Variants in CYB561D2 observed in about 807,000 individuals in gnomAD.
CYB561D2 encodes the protein transmembrane reductase CYB561D2.
CYB561D2 carries 16 observed loss-of-function variants against 20.2 expected under a neutral mutation model. The observed-to-expected ratio is 0.79, with a 90% CI of 0.53 to 1.20. The LOEUF is 1.20. CYB561D2 is among the 50% of genes most tolerant of loss of function. The pLI, the probability that CYB561D2 is intolerant of heterozygous loss-of-function variation, is 0.00. For missense variants in CYB561D2, 247 were observed against 270.3 expected (o/e 0.91, Z 0.60); for synonymous variants, 135 against 128.3 (o/e 1.05, Z -0.35).
chr3:50,353,580 C>T lies in CYB561D2; in HGVS notation c.505C>T (p.Leu169=). 6.2e-7 allele frequency: 1 copy of T among 1,613,800 alleles called. No individual in the cohort carries two copies. The change falls in exon 4 of 4, where the codon CTG becomes TTG. Residue 169 remains leucine (L), a synonymous_variant. Transcript: ENST00000425346. ...TACTTCTGGGCTGGTGGGCTACCTG[C>T]TGGGTAGTGCCAGCCTCTTGCTGGG... ...HATSGLVGYL[L]GSASLLLGMC...
chr3:50,352,351 G>A (rs376803565), intron 3 of CYB561D2, among the ~76,000 whole-genome samples: 1 of 151,816 alleles, frequency 6.6e-6, no homozygotes, highest in Non-Finnish European at 1.5e-5. Flanking sequence ...ATGGTGGCAC[G>A]CGCCTGTAGT....
Position 50,353,711 on chromosome 3 carries a change from T to G in CYB561D2, c.636T>G (p.Asn212Lys), listed in dbSNP as rs1170445485. The G allele has an allele frequency of 6.2e-7, 1 of 1,609,976 alleles. No individual in the cohort carries two copies. Among genetic ancestry groups the G allele is most frequent in the Non-Finnish European group, 8.5e-7 (1 of 1,178,114 alleles). Residue 212 changes from asparagine to lysine, a missense_variant, in exon 4 of 4, where the codon AAT becomes AAG. Transcript: ENST00000425346. ...TSLVIMNQVS[N>K]AYLYRKRIQP ...TGGTCATTATGAACCAGGTGAGCAA[T>G]GCCTACCTATACCGCAAGAGGATCC...
At position 50,353,342 on chromosome 3, in the gene CYB561D2, G is replaced by A; in HGVS notation, c.267G>A (p.Leu89=). ...GCCGAGCACGCTGCCACTGGGTGCT[G>A]CAGCTGCTGGCCCTGCTGTGTGCAC... The part of the protein sequence containing the change: ...RKGRARCHWV[L]QLLALLCALL... The change falls in exon 4 of 4, where the codon CTG becomes CTA. Residue 89 remains leucine, a synonymous_variant. Transcript: ENST00000425346. 1 of 1,612,950 alleles carries A rather than the reference G, an allele frequency of 6.2e-7. No homozygotes were observed.
intron 3 of CYB561D2, 119 bp from the exon 4 acceptor site, chr3:50,353,122 G>A: frequency 7.1e-7 from 1 of 1,399,174 alleles, no homozygotes; most frequent in Non-Finnish European, 9.6e-7. Flanking sequence ...TGTCAGTGGG[G>A]AGAGAAAGAA....
At chr3:50,353,182 C>G (rs913813043) in intron 3 of CYB561D2, 59 bp from the exon 4 acceptor site, 16 of 1,513,254 alleles carry the variant, frequency 1.1e-5, no homozygotes, top group Non-Finnish European at 1.4e-5. Flanking sequence ...ACATAAAGCC[C>G]TCTTCTCCTC....
Position 50,353,483 on chromosome 3 carries a change from A to T in CYB561D2, c.408A>T (p.Ser136=). The change falls in exon 4 of 4, where the codon TCA becomes TCT. Residue 136 remains serine (S), a synonymous_variant. Transcript: ENST00000425346. ...LAVLWAGLQC[S]GGVGLLYPKL... ...TGCTGTGGGCAGGGCTGCAGTGCTC[A>T]GGTGGGGTGGGGCTGCTCTACCCCA... 6.2e-7 allele frequency: 1 copy of T among 1,613,116 alleles called. No homozygotes were observed. The highest frequency in any genetic ancestry group is 8.5e-7 in the Non-Finnish European group (1 of 1,179,968).
intron 1 of CYB561D2, 179 bp from the exon 2 acceptor site, chr3:50,351,230 T>C: frequency 3.0e-6 from 2 of 674,708 alleles, no homozygotes; most frequent in Non-Finnish European, 4.7e-6. Context: ...TGGGTACACG[T>C]TGACAGGCCG....
At chr3:50,351,875 C>G (rs1703773284) in intron 2 of CYB561D2, 134 bp from the exon 3 acceptor site, 1 of 1,086,488 alleles carries the variant, frequency 9.2e-7, no homozygotes, top group Non-Finnish European at 1.4e-6. Context: ...CAGCTTGTTG[C>G]AGAGCAAGAA....
rs1703755507 is a variant in CYB561D2 at position 50,351,398 on chromosome 3, T to C, written c.-25-11T>C. On this transcript the variant is annotated splice_polypyrimidine_tract_variant and intron_variant, in intron 1 of 3. Transcript: ENST00000425346. The stretch of plus-strand genomic sequence containing the variant: ...CACCTGAGATCCTGGCCCACGCTAC[T>C]ATGCTTTCAGGCTACAACCACTAGC... 6.2e-6 allele frequency: 10 copies of C among 1,607,682 alleles called. No individual in the cohort carries two copies. The highest frequency in any genetic ancestry group is 2.2e-5 in the East Asian group (1 of 44,716).
Position 50,353,776 on chromosome 3 carries a change from G to T in CYB561D2, c.*32G>T, listed in dbSNP as rs1703825947. ...CCCAGCCTAGGGGAAGCCTGGATTT[G>T]CCCCTCCATGTAGGAGCTGGGCCTA... On this transcript the variant is annotated 3_prime_UTR_variant, in exon 4 of 4. Transcript: ENST00000425346. The T allele has an allele frequency of 6.4e-7, 1 of 1,557,218 alleles. No homozygotes were observed. Among genetic ancestry groups the T allele is most frequent in the Non-Finnish European group, 8.7e-7 (1 of 1,148,780 alleles).
At position 50,351,394 on chromosome 3, in the gene CYB561D2, C is replaced by G. The variant is rs774171469; in HGVS notation, c.-25-15C>G. The G allele has an allele frequency of 3.9e-5, 62 of 1,606,002 alleles. No individual in the cohort carries two copies. The highest frequency in any genetic ancestry group is 4.7e-5 in the Non-Finnish European group (55 of 1,174,872). ...TGGGCACCTGAGATCCTGGCCCACG[C>G]TACTATGCTTTCAGGCTACAACCAC... On this transcript the variant is annotated splice_polypyrimidine_tract_variant and intron_variant, in intron 1 of 3. Transcript: ENST00000425346.
Position 50,351,176 on chromosome 3 carries a change from C to A in CYB561D2, c.-26+192C>A, listed in dbSNP as rs2233474. 0.23 allele frequency: 122,066 copies of A among 522,946 alleles called. 22,026 individuals carry two copies. Among genetic ancestry groups the A allele is most frequent in the East Asian group, 0.6 (17,291 of 28,836 alleles). 32.4% of individuals were successfully genotyped at this position (522,946 alleles called of 1,614,324 possible). A position where few individuals can be genotyped will look rare whatever the true frequency, so the allele number is the denominator to read the frequency against. On this transcript the variant is annotated intron_variant, in intron 1 of 3. Transcript: ENST00000425346. Reference sequence around the variant, plus strand: ...TTTGTAGTCTTACATGGCTTTGCGCCTCCTACCTGGAAGGCGGGCCAGCGA... The same window carrying A: ...TTTGTAGTCTTACATGGCTTTGCGCATCCTACCTGGAAGGCGGGCCAGCGA...
Position 50,353,723 on chromosome 3 carries a change from C to T in CYB561D2, c.648C>T (p.Tyr216=), listed in dbSNP as rs779861254. 4 of 1,602,470 alleles carry T rather than the reference C, an allele frequency of 2.5e-6. No individual in the cohort carries two copies. The highest frequency in any genetic ancestry group is 2.6e-6 in the Non-Finnish European group (3 of 1,172,484). Residue 216 remains tyrosine, a synonymous_variant, in exon 4 of 4, where the codon TAC becomes TAT. Coordinates refer to ENST00000425346, the MANE Select transcript of CYB561D2 (RefSeq NM_001291284.2). ...ACCAGGTGAGCAATGCCTACCTATACCGCAAGAGGATCCAACCATGAGCTC... is the reference window on the plus strand; with the variant it reads ...ACCAGGTGAGCAATGCCTACCTATATCGCAAGAGGATCCAACCATGAGCTC... ...IMNQVSNAYL[Y]RKRIQP
Position 50,350,914 on chromosome 3 carries a change from G to C in CYB561D2, c.-96G>C, listed in dbSNP as rs1575564418. 4.3e-6 allele frequency: 6 copies of C among 1,393,302 alleles called. No individual in the cohort carries two copies. Among genetic ancestry groups the C allele is most frequent in the Non-Finnish European group, 5.6e-6 (6 of 1,078,262 alleles). The allele number at this position is 1,393,302 out of a possible 1,614,324, so 86.3% of individuals were successfully genotyped here. On this transcript the variant is annotated 5_prime_UTR_variant, in exon 1 of 4. Transcript: ENST00000425346. This position sits in a 1 kb window ranked among gnomAD's most constrained non-coding sequence, Gnocchi z 5.7. ...TCCGTGACGGAGCGGCGGTGCGCGC[G>C]GCAGGGCCCGGAGTATCCCGCTTTC...
In CYB561D2 at chr3:50,353,711, T is replaced by C. The variant is rs1170445485; in HGVS notation, c.636T>C (p.Asn212=). 6.2e-7 allele frequency: 1 copy of C among 1,610,096 alleles called. No homozygotes were observed. The highest frequency in any genetic ancestry group is 1.1e-5 in the South Asian group (1 of 90,906). ...TGGTCATTATGAACCAGGTGAGCAATGCCTACCTATACCGCAAGAGGATCC... is the reference window on the plus strand; with the variant it reads ...TGGTCATTATGAACCAGGTGAGCAACGCCTACCTATACCGCAAGAGGATCC... ...TSLVIMNQVS[N]AYLYRKRIQP The change falls in exon 4 of 4, where the codon AAT becomes AAC. Residue 212 remains asparagine (N), a synonymous_variant. Coordinates refer to ENST00000425346, the MANE Select transcript of CYB561D2 (RefSeq NM_001291284.2).
Position 50,353,786 on chromosome 3 carries a change from G to A in CYB561D2, c.*42G>A. 1 of 1,549,492 alleles carries A rather than the reference G, an allele frequency of 6.5e-7. No individual in the cohort carries two copies. The highest frequency in any genetic ancestry group is 8.7e-7 in the Non-Finnish European group (1 of 1,145,920). ...GGGAAGCCTGGATTTGCCCCTCCAT[G>A]TAGGAGCTGGGCCTAGGGACCTGTT... On this transcript the variant is annotated 3_prime_UTR_variant, in exon 4 of 4. Coordinates refer to ENST00000425346, the MANE Select transcript of CYB561D2 (RefSeq NM_001291284.2).
chr3:50,353,204 C>G lies in CYB561D2; in HGVS notation c.166-37C>G. 8 of 1,528,100 alleles carry G rather than the reference C, an allele frequency of 5.2e-6. No homozygotes were observed. In the South Asian group the frequency reaches 1.0e-4, roughly 19 times the overall value. 94.7% of individuals were successfully genotyped at this position (1,528,100 alleles called of 1,614,324 possible). On this transcript the variant is annotated intron_variant, in intron 3 of 3. Transcript: ENST00000425346. ...GCCCTCTTCTCCTCTTCTGGGGCAG[C>G]ACCCTCACTTGAGCTTCCCATCCCC...
Position 50,353,729 on chromosome 3 carries a change from G to A in CYB561D2, c.654G>A (p.Lys218=), listed in dbSNP as rs768390021. The A allele has an allele frequency of 1.2e-6, 2 of 1,601,256 alleles. No homozygotes were observed. The highest frequency in any genetic ancestry group is 1.7e-6 in the Non-Finnish European group (2 of 1,172,038). ...NQVSNAYLYR[K]RIQP is the part of the protein sequence containing the mutation. ...TGAGCAATGCCTACCTATACCGCAA[G>A]AGGATCCAACCATGAGCTCTTCCCA... The change falls in exon 4 of 4, where the codon AAG becomes AAA. Residue 218 remains lysine (K), a synonymous_variant. Coordinates refer to ENST00000425346, the MANE Select transcript of CYB561D2 (RefSeq NM_001291284.2).
chr3:50,351,078 A>C, intron 1 of CYB561D2, 94 bp downstream of exon 1: 1 of 465,226 alleles, frequency 2.1e-6, no homozygotes, highest in South Asian at 3.3e-5. Flanking sequence ...GCAGCAGGGA[A>C]CTACAATTTC....
Sources: allele counts gnomAD v4.1 joint callset (sites outside exome capture counted in the v4.1 genomes callset), GRCh38; gene constraint gnomAD v4.1.1; non-coding constraint Gnocchi (gnomAD v3.1); transcripts MANE v1.5; gene names NCBI Gene and HGNC (gene_info 2026-07-23, HGNC 2026-07-21).